The following SDE2 variants were observed in gnomAD, a reference collection of about 807,000 sequenced individuals.
The protein encoded by SDE2 is spliceosome associated SDE2.
SDE2 carries 31 observed loss-of-function variants against 46.9 expected under a neutral mutation model. The ratio of observed to expected loss-of-function variants is 0.66; its 90% confidence interval spans 0.50 to 0.89. SDE2 has a LOEUF of 0.89. SDE2 is among the 40% of genes least tolerant of loss of function. SDE2 has a pLI of 0.00. For missense variants in SDE2, 542 were observed against 564.4 expected (o/e 0.96, Z 0.40); for synonymous variants, 205 against 204.3 (o/e 1.00, Z -0.03).
chr1:225,988,254 G>A lies in SDE2; in HGVS notation c.776C>T (p.Ala259Val). 2 of 1,614,166 alleles carry A rather than the reference G, an allele frequency of 1.2e-6. No homozygotes were observed. Among genetic ancestry groups the A allele is most frequent in the Non-Finnish European group, 1.7e-6 (2 of 1,180,036 alleles). ...CTGAGAACCACTGGGAAATTTGGCT[G>A]CCATCTCGACACCATTGCTACCAAT... ...PKIGSNGVEM[A>V]AKFPSGSQRA... Residue 259 changes from alanine to valine, a missense_variant, in exon 6 of 7, where the codon GCA becomes GTA. Ala to Val is a moderately conservative substitution (Grantham distance 64). Around this residue, in one of 3 missense-constraint regions of SDE2, gnomAD observed 401 missense variants for 437.8 expected, o/e 0.92. Coordinates refer to ENST00000272091, the MANE Select transcript of SDE2 (RefSeq NM_152608.4).
At chr1:225,994,323 G>A (rs1656471776) in intron 2 of SDE2, among the ~76,000 whole-genome samples, 1 of 151,902 alleles carries the variant, frequency 6.6e-6, no homozygotes, top group South Asian at 2.1e-4. Context: ...TGATCCGCCC[G>A]CCTTGGCCTC....
intron 3 of SDE2, 82 bp downstream of exon 3, chr1:225,992,809 T>A: frequency 1.3e-6 from 1 of 766,346 alleles, no homozygotes; most frequent in Non-Finnish European, 2.2e-6. Context: ...CCATTTCCAA[T>A]ATGCGTGGCA....
At chr1:225,998,596 T>C (rs1656586516) in intron 1 of SDE2, among the ~76,000 whole-genome samples, 1 of 152,206 alleles carries the variant, frequency 6.6e-6, no homozygotes, top group Admixed American at 6.5e-5. Flanking sequence ...CTGGTAGGTT[T>C]TCACAAATAT....
At chr1:225,995,712 G>A (rs983543687) in intron 1 of SDE2, among the ~76,000 whole-genome samples, 1 of 152,130 alleles carries the variant, frequency 6.6e-6, no homozygotes, top group Non-Finnish European at 1.5e-5. Context: ...AACTGTGGAG[G>A]TCCCATTTTC....
intron 1 of SDE2, among the ~76,000 whole-genome samples, chr1:225,995,618 T>A (rs1656504656): frequency 6.6e-6 from 1 of 152,204 alleles, no homozygotes; most frequent in African/African-American, 2.4e-5. Context: ...ACTTCAGTCT[T>A]TGCGGTGACA....
At position 225,983,499 on chromosome 1, in the gene SDE2, C is replaced by T. The variant is rs1656201655; in HGVS notation, c.*1803G>A. The stretch of plus-strand genomic sequence containing the variant: ...AAGATCTGAACAATACTATCAACCA[C>T]TTAATCTCATCGATATTACAAAACA... On this transcript the variant is annotated 3_prime_UTR_variant, in exon 7 of 7. Coordinates refer to ENST00000272091, the MANE Select transcript of SDE2 (RefSeq NM_152608.4). The T allele has an allele frequency of 6.6e-6, 1 of 152,242 alleles. No homozygotes were observed. Among genetic ancestry groups the T allele is most frequent in the Non-Finnish European group, 1.5e-5 (1 of 68,044 alleles). The allele number at this position is 152,242 out of a possible 1,614,324, so 9.4% of individuals were successfully genotyped here.
In SDE2 at chr1:225,999,295, C is replaced by G. The variant is rs1276701842; in HGVS notation, c.18G>C (p.Ala6=). ...AGCCAGGGCCGCGAATCCACACCAG[C>G]GCCGCGGCCTCCGCCATGTCACCGA... MAEAA[A]LVWIRGPGFG... is the part of the protein sequence containing the mutation. Residue 6 remains alanine (A), a synonymous_variant, in exon 1 of 7, where the codon GCG becomes GCC. Coordinates refer to ENST00000272091, the MANE Select transcript of SDE2 (RefSeq NM_152608.4). 6.2e-7 allele frequency: 1 copy of G among 1,611,720 alleles called. No homozygotes were observed. The highest frequency in any genetic ancestry group is 8.5e-7 in the Non-Finnish European group (1 of 1,179,150).
In SDE2 at chr1:225,988,214, C is replaced by T. The variant is rs1247061835; in HGVS notation, c.816G>A (p.Val272=). The T allele has an allele frequency of 6.2e-7, 1 of 1,614,168 alleles. No homozygotes were observed. The highest frequency in any genetic ancestry group is 1.1e-5 in the South Asian group (1 of 91,078). The change falls in exon 6 of 7, where the codon GTG becomes GTA. Residue 272 remains valine (V), a synonymous_variant. Coordinates refer to ENST00000272091, the MANE Select transcript of SDE2 (RefSeq NM_152608.4). ...FPSGSQRARV[V]NTDHGSPEQL... ...GTTCTGGTGATCCATGGTCTGTATTCACTACTCTCGCCCTCTGAGAACCAC... is the reference window on the plus strand; with the variant it reads ...GTTCTGGTGATCCATGGTCTGTATTTACTACTCTCGCCCTCTGAGAACCAC...
chr1:225,995,463 T>C, intron 1 of SDE2, 80 bp from the exon 2 acceptor site: 1 of 738,876 alleles, frequency 1.4e-6, no homozygotes, highest in Non-Finnish European at 2.4e-6. Flanking sequence ...TAGCTGTCTT[T>C]TTATTACTCT....
At chr1:225,985,847 C>T (rs1049797013) in intron 6 of SDE2, among the ~76,000 whole-genome samples, 2 of 152,210 alleles carry the variant, frequency 1.3e-5, no homozygotes, top group Non-Finnish European at 2.9e-5. Flanking sequence ...TATCCCCACA[C>T]TATTCCCACA....
Position 225,984,264 on chromosome 1 carries a change from GA to G in SDE2, c.*1037del, listed in dbSNP as rs2102699974. The G allele has an allele frequency of 6.6e-6, 1 of 151,688 alleles. No individual in the cohort carries two copies. Among genetic ancestry groups the G allele is most frequent in the Admixed American group, 6.6e-5 (1 of 15,230 alleles). The allele number at this position is 151,688 out of a possible 1,614,324, so 9.4% of individuals were successfully genotyped here. A position where few individuals can be genotyped will look rare whatever the true frequency, so the allele number is the denominator to read the frequency against. On this transcript the variant is annotated 3_prime_UTR_variant, in exon 7 of 7. Coordinates refer to ENST00000272091, the MANE Select transcript of SDE2 (RefSeq NM_152608.4). ...TTCCATCTCAAAAAGAAAAAAAAAA[GA>G]AAATTAGAACTGAATAATAAAAATA...
rs1287866242 is a variant in SDE2, at chr1:225,992,542, CTTG to C, written c.373_375del (p.Gln125del). 2 of 1,609,686 alleles carry C rather than the reference CTTG, an allele frequency of 1.2e-6. No individual in the cohort carries two copies. The highest frequency in any genetic ancestry group is 1.3e-5 in the African/African-American group (1 of 74,898). On this transcript the variant is annotated inframe_deletion, in exon 4 of 7. Transcript: ENST00000272091. ...TGCTCCTTTTCAGCCTCTCGCTCGG[CTTG>C]TTGTTTTACCCATTCAGCCATTCTG...
Position 225,999,216 on chromosome 1 carries a change from T to A in SDE2, c.97A>T (p.Ile33Phe). 1 of 1,612,656 alleles carries A rather than the reference T, an allele frequency of 6.2e-7. No individual in the cohort carries two copies. The highest frequency in any genetic ancestry group is 1.1e-5 in the South Asian group (1 of 90,880). Residue 33 changes from isoleucine to phenylalanine, a missense_variant, in exon 1 of 7, where the codon ATC becomes TTC. Physicochemically the swap from Ile to Phe is conservative, Grantham distance 21. Coordinates refer to ENST00000272091, the MANE Select transcript of SDE2 (RefSeq NM_152608.4). Reference sequence around the variant, plus strand: ...ACCTGATCTTGGCAGTGCCGGTGGATAAAATCCCGGACGGTGCACCGACCC... The same window carrying A: ...ACCTGATCTTGGCAGTGCCGGTGGAAAAAATCCCGGACGGTGCACCGACCC... ...ASGRCTVRDFIHRHCQDQNVP... is the reference protein window; with the variant it reads ...ASGRCTVRDFFHRHCQDQNVP...
At chr1:225,987,749 G>A (rs1656297790) in intron 6 of SDE2, 147 bp downstream of exon 6, 2 of 794,516 alleles carry the variant, frequency 2.5e-6, no homozygotes, top group African/African-American at 1.7e-5. Context: ...TGGGGAATAA[G>A]GCAAGCTTCA....
rs746882202 is a variant in SDE2 at position 225,985,286 on chromosome 1, T to C, written c.*16A>G. On this transcript the variant is annotated 3_prime_UTR_variant, in exon 7 of 7. Coordinates refer to ENST00000272091, the MANE Select transcript of SDE2 (RefSeq NM_152608.4). Reference sequence around the variant, plus strand: ...GGTAGACACTATAAACAAATAGGAATCAGCTCTGATGATACTCATTTTTTC... The same window carrying C: ...GGTAGACACTATAAACAAATAGGAACCAGCTCTGATGATACTCATTTTTTC... 2.5e-6 allele frequency: 4 copies of C among 1,585,488 alleles called. No homozygotes were observed. In the African/African-American group the frequency reaches 5.4e-5, roughly 21 times the overall value.
At chr1:225,995,477 T>A in intron 1 of SDE2, 94 bp from the exon 2 acceptor site, 1 of 668,416 alleles carries the variant, frequency 1.5e-6, no homozygotes, top group Non-Finnish European at 2.7e-6. Flanking sequence ...TTACTCTGGT[T>A]ACAACAGAGG....
chr1:225,998,190 T>C (rs1031452153), intron 1 of SDE2, among the ~76,000 whole-genome samples: 19 of 152,138 alleles, frequency 1.2e-4, no homozygotes, highest in African/African-American at 4.3e-4. Context: ...TTCAAAGGAA[T>C]TAGAATGCAA....
In SDE2 at chr1:225,983,438, T is replaced by C. The variant is rs561502899; in HGVS notation, c.*1864A>G. 4.0e-4 allele frequency: 61 copies of C among 152,356 alleles called. 1 individual carries two copies. Among genetic ancestry groups the C allele is most frequent in the African/African-American group, 1.5e-3 (61 of 41,580 alleles). The allele number at this position is 152,356 out of a possible 1,614,324, so 9.4% of individuals were successfully genotyped here. ...GATTTTAACATCCTTTCTCAGCACC[T>C]GATAGAAATAAACAAAAGGATCAGT... On this transcript the variant is annotated 3_prime_UTR_variant, in exon 7 of 7. Coordinates refer to ENST00000272091, the MANE Select transcript of SDE2 (RefSeq NM_152608.4).
intron 6 of SDE2, among the ~76,000 whole-genome samples, chr1:225,986,070 T>G (rs1275937958): frequency 6.6e-6 from 1 of 152,194 alleles, no homozygotes; most frequent in Admixed American, 6.5e-5. Context: ...AAAATTAGCC[T>G]GTAATCCCAG....
Sources: allele counts gnomAD v4.1 joint callset (sites outside exome capture counted in the v4.1 genomes callset), GRCh38; gene constraint gnomAD v4.1.1; regional missense constraint gnomAD v4.1.1; transcripts MANE v1.5; gene names NCBI Gene and HGNC (gene_info 2026-07-23, HGNC 2026-07-21).